The following AOPEP variants were observed in gnomAD, a reference collection of about 807,000 sequenced individuals.
AOPEP encodes aminopeptidase O.
Under a neutral mutation model 98.1 loss-of-function variants are expected in AOPEP, and 77 were observed. The observed-to-expected ratio is 0.78, with a 90% CI of 0.65 to 0.95. The LOEUF is 0.95. Ranked by LOEUF, AOPEP falls within the 40% of genes least tolerant of loss-of-function variation. The pLI, the probability that AOPEP is intolerant of heterozygous loss-of-function variation, is 0.00. For missense variants in AOPEP, 1,024 were observed against 1,024.7 expected (o/e 1.00, Z 0.01); for synonymous variants, 346 against 365.3 (o/e 0.95, Z 0.60).
At chr9:94,838,755 A>G (rs1379390466) in intron 5 of AOPEP, among the ~76,000 whole-genome samples, 1 of 152,084 alleles carries the variant, frequency 6.6e-6, no homozygotes, top group Non-Finnish European at 1.5e-5. Flanking sequence ...TTGATCCACA[A>G]ATATGTTTCT....
At chr9:94,832,997 A>G (rs1460484752) in intron 5 of AOPEP, among the ~76,000 whole-genome samples, 5 of 150,356 alleles carry the variant, frequency 3.3e-5, no homozygotes, top group African/African-American at 1.2e-4. Context: ...GCAGTGGCAC[A>G]TGATCTCTGC....
chr9:95,110,161 AT>A, the AOPEP span: 12 of 807,612 alleles, frequency 1.5e-5, no homozygotes, highest in Non-Finnish European at 1.8e-5. Context: ...CAAGGGTTTT[AT>A]TTTTTCATAA....
chr9:94,786,832 A>G (rs1324266019), intron 3 of AOPEP, among the ~76,000 whole-genome samples: 1 of 152,146 alleles, frequency 6.6e-6, no homozygotes, highest in African/African-American at 2.4e-5. Context: ...TTGACAAGGA[A>G]TTGGGTTTCT....
the AOPEP span, among the ~76,000 whole-genome samples, chr9:95,137,281 G>A: frequency 6.6e-6 from 1 of 152,112 alleles, no homozygotes; most frequent in Non-Finnish European, 1.5e-5. Flanking sequence ...TGTAGCTCCT[G>A]CAGACCTTGT....
At chr9:95,099,632 G>A in the AOPEP span, 1 of 231,488 alleles carries the variant, frequency 4.3e-6, no homozygotes. Context: ...GCTGGGAAAG[G>A]GCAAAGGGCC....
At chr9:94,738,110 T>C (rs1832179245) in intron 1 of AOPEP, among the ~76,000 whole-genome samples, 1 of 152,210 alleles carries the variant, frequency 6.6e-6, no homozygotes, top group Non-Finnish European at 1.5e-5. Flanking sequence ...GAGGATTTAA[T>C]GCAATAGTGT....
intron 1 of AOPEP, among the ~76,000 whole-genome samples, chr9:94,742,601 AT>A (rs1450811131): frequency 6.6e-6 from 1 of 151,804 alleles, no homozygotes; most frequent in Non-Finnish European, 1.5e-5. Context: ...CGCCTGGCTA[AT>A]TTTTTGTATT....
intron 13 of AOPEP, among the ~76,000 whole-genome samples, chr9:95,058,870 C>G (rs1010249335): frequency 5.3e-5 from 8 of 152,292 alleles, no homozygotes; most frequent in Admixed American, 3.3e-4. Context: ...AGGAAAGCAC[C>G]TCTCTCGGAA....
At chr9:95,001,489 CTATAGAATTCCAG>C (rs1358079556) in intron 11 of AOPEP, among the ~76,000 whole-genome samples, 1 of 152,336 alleles carries the variant, frequency 6.6e-6, no homozygotes, top group Admixed American at 6.5e-5. Context: ...CTGTCCCCCA[CTATAGAATTCCAG>C]TTTTTAAAAA....
chr9:94,870,191 T>C (rs912321691), intron 5 of AOPEP, among the ~76,000 whole-genome samples: 20 of 152,216 alleles, frequency 1.3e-4, no homozygotes, highest in African/African-American at 4.8e-4. Flanking sequence ...GGTTTCACCA[T>C]GTTAGCCAGG....
intron 14 of AOPEP, among the ~76,000 whole-genome samples, chr9:95,062,954 C>G (rs976418276): frequency 1.3e-5 from 2 of 152,180 alleles, no homozygotes; most frequent in Non-Finnish European, 2.9e-5. Context: ...GTAGGCAAAC[C>G]ATCCCAGGCT....
chr9:94,953,146 C>G (rs979731084), intron 7 of AOPEP, among the ~76,000 whole-genome samples: 4 of 152,236 alleles, frequency 2.6e-5, no homozygotes, highest in Admixed American at 6.5e-5. Flanking sequence ...TTCCCCCAGA[C>G]AGTGGGTGAT....
the AOPEP span, among the ~76,000 whole-genome samples, chr9:95,093,040 T>C: frequency 6.6e-6 from 1 of 152,228 alleles, no homozygotes; most frequent in Admixed American, 6.5e-5. Flanking sequence ...TTTCAGTGAT[T>C]GCTGATGGAA....
At chr9:94,818,989 G>A (rs1336065367) in intron 5 of AOPEP, among the ~76,000 whole-genome samples, 2 of 152,166 alleles carry the variant, frequency 1.3e-5, no homozygotes, top group East Asian at 1.9e-4. Flanking sequence ...GTGAGACTCC[G>A]TCTCAAAAAA....
intron 5 of AOPEP, among the ~76,000 whole-genome samples, chr9:94,847,672 T>C (rs2043030862): frequency 6.6e-6 from 1 of 152,164 alleles, no homozygotes; most frequent in Non-Finnish European, 1.5e-5. Flanking sequence ...GATTTAGGCC[T>C]TCGTGTGCAG....
intron 11 of AOPEP, among the ~76,000 whole-genome samples, chr9:94,988,576 G>A (rs2060666164): frequency 6.6e-6 from 1 of 152,172 alleles, no homozygotes; most frequent in South Asian, 2.1e-4. Context: ...AACATCGAAG[G>A]ATAACCAGAA....
rs140401819 is a variant in AOPEP, at chr9:94,840,370, C to A, written c.1364+39368C>A. On this transcript the variant is annotated intron_variant, in intron 5 of 16. Transcript: ENST00000375315. ...TCACATTTGATTCTGATGTATTATT[C>A]TTCTTATATATTGTTGGATTTAATT... Among the ~76,000 whole-genome samples the A allele has an allele frequency of 2.3e-4, 35 of 152,160 alleles. No individual in the cohort carries two copies. The East Asian group carries it at 5.0e-3, about 22-fold the overall frequency.
chr9:95,053,236 A>G (rs896745155), intron 13 of AOPEP, among the ~76,000 whole-genome samples: 1 of 152,256 alleles, frequency 6.6e-6, no homozygotes, highest in Non-Finnish European at 1.5e-5. Flanking sequence ...AAAAATGGAC[A>G]GAGGGGAAGC....
chr9:94,730,832 CG>C (rs2131661208), intron 1 of AOPEP, among the ~76,000 whole-genome samples: 2 of 152,020 alleles, frequency 1.3e-5, no homozygotes, highest in African/African-American at 4.8e-5. Context: ...ATAGTTGGGT[CG>C]GTGGTTGTAA....
Sources: gnomAD v4.1 joint callset for allele counts (sites outside exome capture counted in the v4.1 genomes callset) on GRCh38, gnomAD v4.1.1 for gene constraint, MANE v1.5 for transcripts, NCBI Gene and HGNC (gene_info 2026-07-23, HGNC 2026-07-21) for gene names.